The following GUCY2D variants were observed in gnomAD, a reference collection of about 807,000 sequenced individuals.
The protein encoded by GUCY2D is retinal guanylyl cyclase 1.
Under a neutral mutation model 101.3 loss-of-function variants are expected in GUCY2D, and 70 were observed. That is an observed-to-expected ratio of 0.69 (90% CI 0.57 to 0.84). The LOEUF (loss-of-function observed/expected upper bound fraction) is 0.84. Ranked by LOEUF, GUCY2D falls within the 40% of genes least tolerant of loss-of-function variation. The pLI is 0.00. For missense variants in GUCY2D, 1,460 were observed against 1,542.5 expected (o/e 0.95, Z 0.90); for synonymous variants, 688 against 670.7 (o/e 1.03, Z -0.40).
At position 8,013,411 on chromosome 17, in the gene GUCY2D, C is replaced by T. The variant is rs537797103; in HGVS notation, c.2263+159C>T. On this transcript the variant is annotated intron_variant, in intron 11 of 19. Transcript: ENST00000254854. The surrounding 1 kb of genome is among the most constrained non-coding windows in gnomAD (Gnocchi z 5.0). ...ATCTGCAGGTCTGGGTGCAGAAAGC[C>T]GTGCATGGCCAGGGTGGGGAGCGTG... 54 of 751,448 alleles carry T rather than the reference C, an allele frequency of 7.2e-5. No homozygotes were observed. The highest frequency in any genetic ancestry group is 6.0e-4 in the South Asian group (40 of 66,196). The allele number at this position is 751,448 out of a possible 1,614,324, so 46.5% of individuals were successfully genotyped here. A position where few individuals can be genotyped will look rare whatever the true frequency, so the allele number is the denominator to read the frequency against.
chr17:8,011,424 T>TC lies in GUCY2D; in HGVS notation c.1750-718dup, dbSNP rs916085980. ...AAGAAAAGAAAGAAAGTGGCACCGC[T>TC]CCTCCCTGGCTCTCCCAGCAAAGGC... On this transcript the variant is annotated intron_variant, in intron 8 of 19. Transcript: ENST00000254854. This position sits in a 1 kb window ranked among gnomAD's most constrained non-coding sequence, Gnocchi z 4.3. Among the ~76,000 whole-genome samples, 1 of 151,876 alleles carries TC rather than the reference T, an allele frequency of 6.6e-6. No individual in the cohort carries two copies. Among genetic ancestry groups the TC allele is most frequent in the African/African-American group, 2.4e-5 (1 of 41,352 alleles).
rs748509676 is a variant in GUCY2D at position 8,008,011 on chromosome 17, C to T, written c.1647C>T (p.Ser549=). 6.2e-7 allele frequency: 1 copy of T among 1,611,126 alleles called. No homozygotes were observed. The highest frequency in any genetic ancestry group is 8.5e-7 in the Non-Finnish European group (1 of 1,177,406). The change falls in exon 7 of 20, where the codon AGC becomes AGT. Residue 549 remains serine, a synonymous_variant. Coordinates refer to ENST00000254854, the MANE Select transcript of GUCY2D (RefSeq NM_000180.4). ...GCGGCCCCAGCCAACACTTGGACAG[C>T]CCCAACATTGGTGTCTATGAGGTGA... is the stretch of plus-strand genomic sequence containing the variant. ...IRSGPSQHLD[S]PNIGVYEGDR...
chr17:8,006,606 C>T lies in GUCY2D; in HGVS notation c.1270C>T (p.Arg424Trp), dbSNP rs868112359. ...TGCCACATACATGCTGGATCCTGCC[C>T]GGGGCTCCTTCCTCTCCGCCGGTAC... ...LFATYMLDPA[R>W]GSFLSAGTRM... The change falls in exon 4 of 20, where the codon CGG (arginine) becomes TGG (tryptophan). Residue 424 changes from arginine (R) to tryptophan (W), a missense_variant. Physicochemically the swap from Arg to Trp is moderately radical, Grantham distance 101. Around this residue, in one of 3 missense-constraint regions of GUCY2D, gnomAD observed 1,196 missense variants for 1,229.6 expected, o/e 0.97. Coordinates refer to ENST00000254854, the MANE Select transcript of GUCY2D (RefSeq NM_000180.4). 10 of 1,613,174 alleles carry T rather than the reference C, an allele frequency of 6.2e-6. No homozygotes were observed. Among genetic ancestry groups the T allele is most frequent in the East Asian group, 2.2e-5 (1 of 44,858 alleles).
intron 14 of GUCY2D, 114 bp from the exon 15 acceptor site, chr17:8,015,214 C>G: frequency 8.8e-7 from 1 of 1,135,212 alleles, no homozygotes; most frequent in African/African-American, 1.5e-5. Flanking sequence ...AGTCCTTCCA[C>G]TAGCAACCTG....
chr17:8,015,130 C>A, intron 14 of GUCY2D, 79 bp downstream of exon 14: 1 of 1,247,220 alleles, frequency 8.0e-7, no homozygotes, highest in Non-Finnish European at 1.2e-6. Context: ...CCTGCGCAGC[C>A]CCTAGCCTAC....
At chr17:8,007,781 G>A (rs905376186) in intron 6 of GUCY2D, 150 bp from the exon 7 acceptor site, 5 of 705,770 alleles carry the variant, frequency 7.1e-6, no homozygotes, top group East Asian at 2.7e-5. Flanking sequence ...ACTGTAAAGC[G>A]TGCACTTGGG....
At chr17:8,018,726 A>G (rs182456792) in intron 19 of GUCY2D, among the ~76,000 whole-genome samples, 4 of 152,154 alleles carry the variant, frequency 2.6e-5, no homozygotes, top group Non-Finnish European at 5.9e-5. Flanking sequence ...CGAGACACCA[A>G]GATTTTTTGA....
rs978420396 is a variant in GUCY2D, at chr17:8,003,785, G to A, written c.721+17G>A. ...GGGTCACAGGTAGGCTCCCTTGCAGGGTGCGAGGAGGTCGGCTGGTCCTGC... is the reference window on the plus strand; with the variant it reads ...GGGTCACAGGTAGGCTCCCTTGCAGAGTGCGAGGAGGTCGGCTGGTCCTGC... On this transcript the variant is annotated intron_variant, in intron 2 of 19. Transcript: ENST00000254854. The A allele has an allele frequency of 1.9e-6, 3 of 1,600,678 alleles. No homozygotes were observed. Among genetic ancestry groups the A allele is most frequent in the Middle Eastern group, 1.7e-4 (1 of 6,060 alleles).
intron 8 of GUCY2D, among the ~76,000 whole-genome samples, chr17:8,010,799 A>G (rs1975835975): frequency 7.4e-6 from 1 of 135,840 alleles, no homozygotes; most frequent in Non-Finnish European, 1.6e-5. Flanking sequence ...ACAGAGCAAG[A>G]TTCCGTCTCA....
Position 8,006,455 on chromosome 17 carries a change from G to T in GUCY2D, c.1119G>T (p.Val373=). 1 of 1,605,362 alleles carries T rather than the reference G, an allele frequency of 6.2e-7. No homozygotes were observed. The highest frequency in any genetic ancestry group is 8.5e-7 in the Non-Finnish European group (1 of 1,179,970). Residue 373 remains valine, a synonymous_variant, in exon 4 of 20, where the codon GTG becomes GTT. Transcript: ENST00000254854. ...GGGCTGCCGCAGGTGGCAGATGGGT[G>T]TCCGGAGCAGCTGTGGCCCGCCACA... is the stretch of plus-strand genomic sequence containing the variant. The part of the protein sequence containing the change: ...EARAAAGGRW[V]SGAAVARHIR...
In GUCY2D at chr17:8,014,208, G is replaced by T; in HGVS notation, c.2412+180G>T. 1 of 665,352 alleles carries T rather than the reference G, an allele frequency of 1.5e-6. No homozygotes were observed. The highest frequency in any genetic ancestry group is 2.3e-5 in the Admixed American group (1 of 43,702). The allele number at this position is 665,352 out of a possible 1,614,324, so 41.2% of individuals were successfully genotyped here. On this transcript the variant is annotated intron_variant, in intron 12 of 19. Coordinates refer to ENST00000254854, the MANE Select transcript of GUCY2D (RefSeq NM_000180.4). This position sits in a 1 kb window ranked among gnomAD's most constrained non-coding sequence, Gnocchi z 4.0. ...CAGAATTGGAATGGGGGCTGTGGAG[G>T]CTTTTGGAGTGGGAGATAGAGTTCT...
Position 8,003,323 on chromosome 17 carries a change from C to A in GUCY2D, c.276C>A (p.Gly92=). Residue 92 remains glycine (G), a synonymous_variant, in exon 2 of 20, where the codon GGC becomes GGA. Coordinates refer to ENST00000254854, the MANE Select transcript of GUCY2D (RefSeq NM_000180.4). The part of the protein sequence containing the change: ...ARLNRDPGLA[G]GPRFEVALLP... ...TGAACCGCGACCCCGGCCTGGCAGG[C>A]GGTCCCCGCTTCGAGGTAGCGCTGC... The A allele has an allele frequency of 6.7e-7, 1 of 1,482,566 alleles. No homozygotes were observed. Among genetic ancestry groups the A allele is most frequent in the Non-Finnish European group, 8.9e-7 (1 of 1,123,406 alleles). 91.8% of individuals were successfully genotyped at this position (1,482,566 alleles called of 1,614,324 possible).
In GUCY2D at chr17:8,003,318, G is replaced by C. The variant is rs573367793; in HGVS notation, c.271G>C (p.Ala91Pro). Residue 91 changes from alanine (A) to proline (P), a missense_variant, in exon 2 of 20, where the codon GCA (alanine) becomes CCA (proline). Ala to Pro is a conservative substitution (Grantham distance 27). This residue lies in a region of GUCY2D where 1,196 missense variants were observed against 1,229.6 expected (regional missense o/e 0.97). Transcript: ENST00000254854. The stretch of plus-strand genomic sequence containing the variant: ...CCGCCTGAACCGCGACCCCGGCCTG[G>C]CAGGCGGTCCCCGCTTCGAGGTAGC... Reference protein sequence around the residue: ...AARLNRDPGLAGGPRFEVALL... With the variant: ...AARLNRDPGLPGGPRFEVALL... 773 of 1,483,538 alleles carry C rather than the reference G, an allele frequency of 5.2e-4. 6 individuals are homozygous for C. In the South Asian group the frequency reaches 7.4e-3, roughly 14 times the overall value. 91.9% of individuals were successfully genotyped at this position (1,483,538 alleles called of 1,614,324 possible). A position where few individuals can be genotyped will look rare whatever the true frequency, so the allele number is the denominator to read the frequency against.
Position 8,003,108 on chromosome 17 carries a change from T to C in GUCY2D, c.61T>C (p.Trp21Arg), listed in dbSNP as rs9905402. 0.04 allele frequency: 61,180 copies of C among 1,521,538 alleles called. 3,593 individuals carry two copies. The highest frequency in any genetic ancestry group is 0.26 in the African/African-American group (18,276 of 70,794). 94.3% of individuals were successfully genotyped at this position (1,521,538 alleles called of 1,614,324 possible). A position where few individuals can be genotyped will look rare whatever the true frequency, so the allele number is the denominator to read the frequency against. Residue 21 changes from tryptophan (W) to arginine (R), a missense_variant, in exon 2 of 20, where the codon TGG becomes CGG. Physicochemically the swap from Trp to Arg is moderately radical, Grantham distance 101. Around this residue, in one of 3 missense-constraint regions of GUCY2D, gnomAD observed 1,196 missense variants for 1,229.6 expected, o/e 0.97. Transcript: ENST00000254854. Reference protein sequence around the residue: ...LPDPGLCGPAWWAPSLPRLPR... With the variant: ...LPDPGLCGPARWAPSLPRLPR... ...GGACCCCGGGCTCTGCGGTCCCGCG[T>C]GGTGGGCTCCGTCCCTGCCCCGCCT...
chr17:8,004,825 C>T (rs1394227848), intron 3 of GUCY2D, among the ~76,000 whole-genome samples: 2 of 152,124 alleles, frequency 1.3e-5, no homozygotes, highest in African/African-American at 2.4e-5. Flanking sequence ...AACTCACAGG[C>T]GGCTGCATGA....
intron 3 of GUCY2D, 105 bp downstream of exon 3, chr17:8,004,261 T>G: frequency 5.6e-6 from 6 of 1,075,776 alleles, no homozygotes; most frequent in African/African-American, 1.6e-5. Context: ...CTGGCAGCTC[T>G]AGCTGTTTGG....
In GUCY2D at chr17:8,015,309, C is replaced by T. The variant is rs909279367; in HGVS notation, c.2770-19C>T. On this transcript the variant is annotated intron_variant, in intron 14 of 19. Transcript: ENST00000254854. ...GGGAATGCTCAAAAGAAAATTCACA[C>T]AACTCCTTCTTCCCCCAGGTGGAGA... is the stretch of plus-strand genomic sequence containing the variant. 1 of 1,600,854 alleles carries T rather than the reference C, an allele frequency of 6.2e-7. No homozygotes were observed. Among genetic ancestry groups the T allele is most frequent in the Non-Finnish European group, 8.5e-7 (1 of 1,178,528 alleles).
intron 19 of GUCY2D, among the ~76,000 whole-genome samples, chr17:8,017,266 T>C (rs936160956): frequency 2.0e-5 from 3 of 152,140 alleles, no homozygotes; most frequent in Non-Finnish European, 4.4e-5. Context: ...ACCTGACAGC[T>C]GGGTGGCTTG....
At chr17:8,016,333 C>A (rs982496563) in intron 18 of GUCY2D, 43 bp downstream of exon 18, 4 of 1,459,214 alleles carry the variant, frequency 2.7e-6, no homozygotes, top group Middle Eastern at 1.7e-4. Flanking sequence ...ACGAGGGACC[C>A]CTGCCTCCTG....
Sources: allele counts gnomAD v4.1 joint callset (sites outside exome capture counted in the v4.1 genomes callset), GRCh38; gene constraint gnomAD v4.1.1; regional missense constraint gnomAD v4.1.1; non-coding constraint Gnocchi (gnomAD v3.1); transcripts MANE v1.5; gene names NCBI Gene and HGNC (gene_info 2026-07-23, HGNC 2026-07-21).